The following CAST variants were observed in gnomAD, a reference collection of about 807,000 sequenced individuals.
CAST encodes the protein calpastatin.
CAST carries 76 observed loss-of-function variants against 119.6 expected under a neutral mutation model. The ratio of observed to expected loss-of-function variants is 0.64; its 90% CI spans 0.53 to 0.77. CAST has a LOEUF of 0.77. Among genes scored for constraint, CAST ranks in the 30% least tolerant of loss-of-function variants. CAST has a pLI of 0.00. For missense variants in CAST, 953 were observed against 946.5 expected (o/e 1.01, Z -0.09); for synonymous variants, 319 against 331.6 (o/e 0.96, Z 0.41).
intron 1 of CAST, among the ~76,000 whole-genome samples, chr5:96,545,547 A>G (rs1745994196): frequency 6.6e-6 from 1 of 152,168 alleles, no homozygotes; most frequent in Admixed American, 6.5e-5. Context: ...GGTCTAATCA[A>G]TGTGCCACCA....
the CAST span, among the ~76,000 whole-genome samples, chr5:96,107,229 A>G: frequency 6.6e-6 from 1 of 151,778 alleles, no homozygotes; most frequent in Admixed American, 6.6e-5. Context: ...TTACATTTAA[A>G]GTTAATATTG....
the CAST span, among the ~76,000 whole-genome samples, chr5:96,074,161 C>T: frequency 6.6e-6 from 1 of 151,322 alleles, no homozygotes; most frequent in Non-Finnish European, 1.5e-5. Flanking sequence ...CTTCCCTGAA[C>T]TACCCTATTG....
At chr5:96,745,539 T>C (rs1763583584) in intron 16 of CAST, among the ~76,000 whole-genome samples, 2 of 152,194 alleles carry the variant, frequency 1.3e-5, no homozygotes, top group Admixed American at 1.3e-4. Flanking sequence ...GGTTGGAATA[T>C]GCCAAGTGAA....
chr5:96,743,528 C>T, intron 16 of CAST: 2 of 1,480,664 alleles, frequency 1.4e-6, no homozygotes, highest in Non-Finnish European at 1.8e-6. Context: ...GTCACAATGC[C>T]CCATCTCTGC....
chr5:96,387,465 C>G, the CAST span, among the ~76,000 whole-genome samples: 5 of 152,318 alleles, frequency 3.3e-5, no homozygotes, highest in Non-Finnish European at 7.3e-5. Context: ...GATAGGACCT[C>G]ATAAGTGGGC....
chr5:96,062,745 G>T, the CAST span, among the ~76,000 whole-genome samples: 1 of 152,128 alleles, frequency 6.6e-6, no homozygotes, highest in Admixed American at 6.5e-5. Flanking sequence ...TGGCACTTAG[G>T]TGGCTCACTC....
At chr5:96,770,686 C>G in intron 30 of CAST, 84 bp downstream of exon 30, 1 of 905,208 alleles carries the variant, frequency 1.1e-6, no homozygotes, top group Non-Finnish European at 1.8e-6. Context: ...TAGTTTCCTA[C>G]TGGAATCTAT....
chr5:96,645,778 T>C (rs1748007491), intron 1 of CAST, among the ~76,000 whole-genome samples: 1 of 151,738 alleles, frequency 6.6e-6, no homozygotes, highest in Admixed American at 6.6e-5. Flanking sequence ...CTTATAATCT[T>C]GGAGTGGAAA....
intron 3 of CAST, among the ~76,000 whole-genome samples, chr5:96,700,285 C>T (rs1279130596): frequency 6.6e-6 from 1 of 152,156 alleles, no homozygotes; most frequent in Non-Finnish European, 1.5e-5. Context: ...AACTCCTAAT[C>T]CCATGGCTAT....
At chr5:96,279,384 C>T in the CAST span, among the ~76,000 whole-genome samples, 1 of 152,068 alleles carries the variant, frequency 6.6e-6, no homozygotes, top group African/African-American at 2.4e-5. Context: ...CTTTTTGTGC[C>T]AAACCAGGCC....
chr5:96,753,516 A>G (rs971317517), intron 20 of CAST, among the ~76,000 whole-genome samples: 8 of 152,288 alleles, frequency 5.3e-5, no homozygotes, highest in Middle Eastern at 3.4e-3. Flanking sequence ...GACAGTTCTC[A>G]CTGTGCCATT....
chr5:96,243,753 T>C, the CAST span, among the ~76,000 whole-genome samples: 1 of 151,540 alleles, frequency 6.6e-6, no homozygotes, highest in Admixed American at 6.6e-5. Flanking sequence ...CATCTGCGGA[T>C]TTTTTCTGCC....
chr5:96,644,905 G>C (rs1298065437), intron 1 of CAST, among the ~76,000 whole-genome samples: 2 of 152,184 alleles, frequency 1.3e-5, no homozygotes, highest in Non-Finnish European at 2.9e-5. Context: ...GAGCCTGGGA[G>C]GCAGAGGTTG....
At chr5:96,175,814 G>A in the CAST span, among the ~76,000 whole-genome samples, 1 of 152,192 alleles carries the variant, frequency 6.6e-6, no homozygotes, top group African/African-American at 2.4e-5. Context: ...TCAAACTTTT[G>A]TGATGCTTTT....
At chr5:96,504,738 A>G in the CAST span, among the ~76,000 whole-genome samples, 6 of 152,188 alleles carry the variant, frequency 3.9e-5, no homozygotes, top group Non-Finnish European at 8.8e-5. Context: ...CCAAAGTCTC[A>G]TCATCTCCAA....
the CAST span, among the ~76,000 whole-genome samples, chr5:96,407,486 TTCCTGGAGG>T: frequency 0.02 from 3,048 of 152,314 alleles, 104 homozygotes; most frequent in African/African-American, 0.07. Context: ...CACACATATA[TTCCTGGAGG>T]GAATATAAAA....
the CAST span, chr5:96,412,532 A>G: frequency 1.3e-6 from 2 of 1,557,860 alleles, no homozygotes; most frequent in East Asian, 4.5e-5. Flanking sequence ...GGTTGATGTC[A>G]GTATGTACAT....
chr5:96,079,785 C>T, the CAST span, among the ~76,000 whole-genome samples: 1 of 152,042 alleles, frequency 6.6e-6, no homozygotes, highest in African/African-American at 2.4e-5. Context: ...TTAACTTAAC[C>T]ATGTTTTGTT....
chr5:96,002,624 C>T, the CAST span, among the ~76,000 whole-genome samples: 1 of 152,134 alleles, frequency 6.6e-6, no homozygotes, highest in Non-Finnish European at 1.5e-5. Context: ...ACTGTCTTAG[C>T]TCCTGAAGCC....
Sources: gnomAD v4.1 joint callset for allele counts (sites outside exome capture counted in the v4.1 genomes callset) on GRCh38, gnomAD v4.1.1 for gene constraint, MANE v1.5 for transcripts, NCBI Gene and HGNC (gene_info 2026-07-23, HGNC 2026-07-21) for gene names.